The following AATF variants were observed in gnomAD, a reference collection of about 807,000 sequenced individuals.
AATF encodes the protein protein AATF.
Under a neutral mutation model 63.7 loss-of-function variants are expected in AATF, and 48 were observed. The observed-to-expected ratio is 0.75, with a 90% CI of 0.60 to 0.96. AATF has a LOEUF of 0.96. AATF is among the 40% of genes least tolerant of loss of function. The probability of loss-of-function intolerance (pLI) is 0.00; values close to 1 mark genes in which losing one functional copy is unlikely to be tolerated. For synonymous variants in AATF, 258 were observed against 247.7 expected, an observed-to-expected ratio of 1.04 and a Z score of -0.39; for missense variants, 639 against 685.7, an observed-to-expected ratio of 0.93 and a Z score of 0.76.
At chr17:37,018,909 C>A in intron 8 of AATF, 96 bp from the exon 9 acceptor site, 1 of 958,408 alleles carries the variant, frequency 1.0e-6, no homozygotes, top group Non-Finnish European at 1.7e-6. Context: ...AGTTTTAGAG[C>A]TGTCACTATG....
intron 4 of AATF, among the ~76,000 whole-genome samples, chr17:36,984,945 G>A (rs984618349): frequency 7.0e-5 from 10 of 142,958 alleles, no homozygotes; most frequent in African/African-American, 1.6e-4. Flanking sequence ...TCTGTCGCCC[G>A]GGCTGGAGTA....
chr17:36,995,523 T>A, intron 8 of AATF, among the ~76,000 whole-genome samples: 1 of 152,142 alleles, frequency 6.6e-6, no homozygotes, highest in East Asian at 1.9e-4. Flanking sequence ...AATGGTGATA[T>A]GATATTTTTT....
chr17:36,969,094 CA>C (rs1182683214), intron 4 of AATF, among the ~76,000 whole-genome samples: 22 of 152,104 alleles, frequency 1.4e-4, no homozygotes, highest in Admixed American at 1.3e-3. Flanking sequence ...TGTATCATAC[CA>C]AAAAGTTGAT....
chr17:36,978,549 C>T (rs1010739461), intron 4 of AATF, among the ~76,000 whole-genome samples: 3 of 152,004 alleles, frequency 2.0e-5, no homozygotes, highest in African/African-American at 7.3e-5. Context: ...AAAAAAAATT[C>T]TACTTTTAGT....
At chr17:37,027,588 G>A (rs2071520198) in intron 10 of AATF, among the ~76,000 whole-genome samples, 1 of 152,054 alleles carries the variant, frequency 6.6e-6, no homozygotes, top group East Asian at 1.9e-4. Flanking sequence ...TTCTAGTAGC[G>A]ACATTGAAAA....
intron 5 of AATF, among the ~76,000 whole-genome samples, chr17:36,987,132 C>G (rs1417801499): frequency 4.6e-5 from 7 of 150,800 alleles, no homozygotes; most frequent in Non-Finnish European, 1.0e-4. Flanking sequence ...GGACTGCAGG[C>G]ACTTGCCACC....
intron 4 of AATF, among the ~76,000 whole-genome samples, chr17:36,954,964 CATAGAT>C (rs546134356): frequency 8.6e-5 from 13 of 151,852 alleles, no homozygotes; most frequent in Non-Finnish European, 1.6e-4. Context: ...TATCTATATC[CATAGAT>C]ATAGATATAT....
intron 8 of AATF, among the ~76,000 whole-genome samples, chr17:36,992,988 C>T (rs991638943): frequency 4.6e-5 from 7 of 152,180 alleles, no homozygotes; most frequent in African/African-American, 1.7e-4. Context: ...TTCCAGATTG[C>T]TTTGCTGCTA....
intron 9 of AATF, 117 bp downstream of exon 9, chr17:37,019,189 C>A: frequency 1.2e-6 from 1 of 806,318 alleles, no homozygotes; most frequent in Non-Finnish European, 2.0e-6. Flanking sequence ...TGAAGTTAAG[C>A]AAGTAAGAGC....
chr17:36,973,848 A>C (rs2071058754), intron 4 of AATF, among the ~76,000 whole-genome samples: 1 of 152,220 alleles, frequency 6.6e-6, no homozygotes, highest in Non-Finnish European at 1.5e-5. Context: ...AGGCAGGTGG[A>C]TCACTAGAGG....
At chr17:37,030,133 ACTC>A (rs1229429821) in intron 10 of AATF, among the ~76,000 whole-genome samples, 1 of 144,392 alleles carries the variant, frequency 6.9e-6, no homozygotes, top group Non-Finnish European at 1.5e-5. Flanking sequence ...CTAGTTTTGA[ACTC>A]CTAGTCTCAA....
intron 11 of AATF, chr17:37,043,398 T>A (rs1284333833): frequency 6.6e-6 from 1 of 152,238 alleles, no homozygotes; most frequent in Admixed American, 6.5e-5. Context: ...TATTCAGTCA[T>A]GAGGTCACCA....
intron 4 of AATF, among the ~76,000 whole-genome samples, chr17:36,957,092 A>G (rs547657534): frequency 6.6e-6 from 1 of 152,360 alleles, no homozygotes; most frequent in East Asian, 1.9e-4. Flanking sequence ...TACCAACCCC[A>G]GAACAACCAC....
rs1227033188 is a variant in AATF, at chr17:37,009,838, A to AAAAAC, written c.1399-9163_1399-9162insCAAAA. On this transcript the variant is annotated intron_variant, in intron 8 of 11. Transcript: ENST00000619387. The stretch of plus-strand genomic sequence containing the variant: ...GACTCCGTCTCAAAAAAAAAAAAAA[A>AAAAAC]AAAAAAAAAAAACCATGCAGATTTG... Among the ~76,000 whole-genome samples, 555 of 150,052 alleles carry AAAAAC rather than the reference A, an allele frequency of 3.7e-3. 16 individuals are homozygous for AAAAAC. Among genetic ancestry groups the AAAAAC allele is most frequent in the African/African-American group, 0.013 (531 of 40,470 alleles).
At chr17:37,005,390 G>A (rs769700403) in intron 8 of AATF, among the ~76,000 whole-genome samples, 3 of 152,134 alleles carry the variant, frequency 2.0e-5, no homozygotes, top group Non-Finnish European at 2.9e-5. Flanking sequence ...TGAAAAGGTG[G>A]CAGGATTGAT....
chr17:36,954,031 C>G lies in AATF; in HGVS notation c.832+124C>G, dbSNP rs1467774223. On this transcript the variant is annotated intron_variant, in intron 4 of 11. Transcript: ENST00000619387. ...TGCTTTCTTCTCATCTGCCCTTGCT[C>G]TCCCCTCCCCATCCCCCTTGGCTTT... The G allele has an allele frequency of 5.4e-6, 5 of 923,974 alleles. 1 individual carries two copies. The East Asian group carries it at 8.3e-5, about 15-fold the overall frequency. 57.2% of individuals were successfully genotyped at this position (923,974 alleles called of 1,614,324 possible). A position where few individuals can be genotyped will look rare whatever the true frequency, so the allele number is the denominator to read the frequency against.
intron 6 of AATF, 149 bp from the exon 7 acceptor site, chr17:36,989,098 C>G: frequency 1.1e-6 from 1 of 877,178 alleles, no homozygotes; most frequent in Non-Finnish European, 1.7e-6. Context: ...ACAATTATAG[C>G]CACTCACAAA....
Position 37,043,894 on chromosome 17 carries a change from GAGA to G in AATF, c.1619+12212_1619+12214del, listed in dbSNP as rs374307903. Among the ~76,000 whole-genome samples, 696 of 152,200 alleles carry G rather than the reference GAGA, an allele frequency of 4.6e-3. 6 individuals are homozygous for G. Among genetic ancestry groups the G allele is most frequent in the African/African-American group, 0.016 (661 of 41,506 alleles). ...TGTTCTTTTTAATTTTTTAATTTCT[GAGA>G]AGGACTATTTTAAATGTAACCCCTA... is the stretch of plus-strand genomic sequence containing the variant. On this transcript the variant is annotated intron_variant, in intron 11 of 11. Transcript: ENST00000619387.
intron 11 of AATF, chr17:37,051,236 TTG>T (rs1466137274): frequency 6.6e-6 from 1 of 152,216 alleles, no homozygotes; most frequent in Non-Finnish European, 1.5e-5. Context: ...CCACCTGTCT[TTG>T]TGGGTAGGTA....
Sources: allele counts gnomAD v4.1 joint callset (sites outside exome capture counted in the v4.1 genomes callset), GRCh38; gene constraint gnomAD v4.1.1; transcripts MANE v1.5; gene names NCBI Gene and HGNC (gene_info 2026-07-23, HGNC 2026-07-21).